Variants in CELF2 observed in about 807,000 individuals in gnomAD.
The protein encoded by CELF2 is CUG triplet repeat RNA-binding protein 2.
A neutral mutation model predicts 62.6 loss-of-function variants in CELF2; 8 were observed. The ratio of observed to expected loss-of-function variants is 0.13; its 90% confidence interval spans 0.07 to 0.23. CELF2 has a LOEUF of 0.23. CELF2 is among the 10% of genes least tolerant of loss of function. The pLI is 1.00. For missense variants in CELF2, 333 were observed against 671.0 expected (o/e 0.50, Z 5.56); for synonymous variants, 258 against 250.0 (o/e 1.03, Z -0.30).
chr10:10,505,287 A>T, the CELF2 span, among the ~76,000 whole-genome samples: 1 of 151,990 alleles, frequency 6.6e-6, no homozygotes, highest in Non-Finnish European at 1.5e-5. Flanking sequence ...AACCTTCTTT[A>T]ACACATAAGT....
At chr10:11,006,984 T>C (rs1362043804) in intron 1 of CELF2, among the ~76,000 whole-genome samples, 1 of 152,214 alleles carries the variant, frequency 6.6e-6, no homozygotes, top group Non-Finnish European at 1.5e-5. Flanking sequence ...TATTGCCACA[T>C]AAGAAATAAA....
At chr10:11,027,779 G>A (rs1176761792) in intron 1 of CELF2, among the ~76,000 whole-genome samples, 6 of 152,086 alleles carry the variant, frequency 3.9e-5, no homozygotes, top group Non-Finnish European at 7.3e-5. Context: ...CTTCTAATCT[G>A]TTCCATGCCT....
chr10:11,321,168 A>G lies in CELF2; in HGVS notation c.1097-21A>G, dbSNP rs375840343. The G allele has an allele frequency of 6.8e-6, 11 of 1,612,436 alleles. No homozygotes were observed. Among genetic ancestry groups the G allele is most frequent in the Non-Finnish European group, 8.5e-6 (10 of 1,178,782 alleles). ...TGAATAAGTGCTGTTTCTCTTCTCTATTGTTGGGTTTTTTGTAAAGTTGCT... is the reference window on the plus strand; with the variant it reads ...TGAATAAGTGCTGTTTCTCTTCTCTGTTGTTGGGTTTTTTGTAAAGTTGCT... On this transcript the variant is annotated intron_variant, in intron 10 of 12. Transcript: ENST00000633077. This position sits in a 1 kb window ranked among gnomAD's most constrained non-coding sequence, Gnocchi z 6.2.
At position 10,931,753 on chromosome 10, in the gene CELF2, G is replaced by A. The variant is rs564839542; in HGVS notation, c.89+11754G>A. Reference sequence around the variant, plus strand: ...AAATGAATCTCTTGATAATAGCAATGCATTAGTCTTTTCTCACGCTGCTAA... The same window carrying A: ...AAATGAATCTCTTGATAATAGCAATACATTAGTCTTTTCTCACGCTGCTAA... On this transcript the variant is annotated intron_variant, in intron 2 of 13. Transcript: ENST00000636488. The surrounding 1 kb of genome is among the most constrained non-coding windows in gnomAD (Gnocchi z 6.1). Among the ~76,000 whole-genome samples, 154 of 152,244 alleles carry A rather than the reference G, an allele frequency of 1.0e-3. No individual in the cohort carries two copies. The highest frequency in any genetic ancestry group is 1.7e-3 in the Non-Finnish European group (117 of 68,008).
In CELF2 at chr10:11,255,259, A is replaced by G. The variant is rs1341407244; in HGVS notation, c.404-2479A>G. On this transcript the variant is annotated intron_variant, in intron 4 of 12. Transcript: ENST00000633077. The surrounding 1 kb of genome is among the most constrained non-coding windows in gnomAD (Gnocchi z 5.5). ...CAGCAGTCTCCCTCCCAGGAATTGG[A>G]GCCCGGGGTGCCTGTTGCCCATGTC... Among the ~76,000 whole-genome samples, 1 of 152,180 alleles carries G rather than the reference A, an allele frequency of 6.6e-6. No homozygotes were observed. Among genetic ancestry groups the G allele is most frequent in the Non-Finnish European group, 1.5e-5 (1 of 68,040 alleles).
intron 2 of CELF2, among the ~76,000 whole-genome samples, chr10:10,943,773 T>G (rs553334887): frequency 0.15 from 7,497 of 50,062 alleles, 437 homozygotes; most frequent in Admixed American, 0.39. Context: ...TTTTTTTTTG[T>G]TTTGTTTTTG....
chr10:10,651,151 C>A, the CELF2 span, among the ~76,000 whole-genome samples: 1 of 126,858 alleles, frequency 7.9e-6, no homozygotes, highest in Admixed American at 7.7e-5. Context: ...CCGAATTTTG[C>A]GCTTTTCAGA....
chr10:10,840,999 T>C (rs969786466), intron 1 of CELF2, among the ~76,000 whole-genome samples: 5 of 152,214 alleles, frequency 3.3e-5, no homozygotes, highest in African/African-American at 9.7e-5. Context: ...GCTTCATCCA[T>C]GTCCCTGCAA....
At chr10:11,253,977 C>T (rs574256659) in intron 4 of CELF2, among the ~76,000 whole-genome samples, 2 of 152,152 alleles carry the variant, frequency 1.3e-5, no homozygotes, top group Admixed American at 1.3e-4. Flanking sequence ...ATACTGTGAA[C>T]ACAGTGCGTT....
chr10:11,123,981 C>T (rs1353415120), intron 1 of CELF2, among the ~76,000 whole-genome samples: 1 of 152,126 alleles, frequency 6.6e-6, no homozygotes, highest in Non-Finnish European at 1.5e-5. Flanking sequence ...GGGGAGGCCT[C>T]ACAATCAAGG....
Position 11,309,030 on chromosome 10 carries a change from A to C in CELF2, c.977-5109A>C, listed in dbSNP as rs2094427597. 6.6e-6 allele frequency among the ~76,000 whole-genome samples: 1 copy of C among 152,208 alleles called. No homozygotes were observed. The highest frequency in any genetic ancestry group is 2.1e-4 in the South Asian group (1 of 4,830). On this transcript the variant is annotated intron_variant, in intron 9 of 12. Coordinates refer to ENST00000633077, the MANE Select transcript of CELF2 (RefSeq NM_001326342.2). The surrounding 1 kb of genome is among the most constrained non-coding windows in gnomAD (Gnocchi z 5.6). The stretch of plus-strand genomic sequence containing the variant: ...TTATTTGATGAAACATTGTAATTAC[A>C]CTTATAATCCTTTAGGCATGATTTT...
chr10:10,976,998 T>TACA (rs201799065), intron 2 of CELF2, among the ~76,000 whole-genome samples: 2,206 of 152,276 alleles, frequency 0.014, 52 homozygotes, highest in African/African-American at 0.051. Flanking sequence ...TATATGACTG[T>TACA]GTCCCAGAAA....
the CELF2 span, among the ~76,000 whole-genome samples, chr10:10,760,391 TG>T: frequency 6.6e-6 from 1 of 152,238 alleles, no homozygotes; most frequent in Non-Finnish European, 1.5e-5. Flanking sequence ...ACTGTGCTAC[TG>T]TGACTTGGTT....
intron 1 of CELF2, among the ~76,000 whole-genome samples, chr10:11,161,374 G>T (rs2065685680): frequency 6.6e-6 from 1 of 152,320 alleles, no homozygotes; most frequent in South Asian, 2.1e-4. Flanking sequence ...GCAGAGATGT[G>T]TGCGCATGTG....
intron 1 of CELF2, among the ~76,000 whole-genome samples, chr10:11,128,336 C>T (rs1009949163): frequency 6.6e-6 from 1 of 152,092 alleles, no homozygotes; most frequent in Non-Finnish European, 1.5e-5. Context: ...CTTTGTTCTT[C>T]TGGCTTAGGA....
At chr10:10,930,206 C>T (rs1266751871) in intron 2 of CELF2, among the ~76,000 whole-genome samples, 6 of 152,168 alleles carry the variant, frequency 3.9e-5, no homozygotes, top group Non-Finnish European at 7.3e-5. Context: ...CCTATTTAGA[C>T]TTCTCAGATT....
chr10:11,050,580 G>T (rs931792253), intron 1 of CELF2, among the ~76,000 whole-genome samples: 4 of 152,188 alleles, frequency 2.6e-5, no homozygotes, highest in Admixed American at 2.0e-4. Flanking sequence ...CACTTTCTGT[G>T]CATTCTTACT....
At chr10:11,190,087 T>A (rs1388304056) in intron 2 of CELF2, among the ~76,000 whole-genome samples, 1 of 152,262 alleles carries the variant, frequency 6.6e-6, no homozygotes, top group Non-Finnish European at 1.5e-5. Context: ...TAAAGATTTA[T>A]GTGCACCTCT....
chr10:10,661,764 A>T, the CELF2 span, among the ~76,000 whole-genome samples: 3 of 152,196 alleles, frequency 2.0e-5, no homozygotes, highest in Admixed American at 2.0e-4. Flanking sequence ...GAGTGAATTG[A>T]GGGAGTGCCC....
Sources: gnomAD v4.1 joint callset for allele counts (sites outside exome capture counted in the v4.1 genomes callset) on GRCh38, gnomAD v4.1.1 for gene constraint, Gnocchi (gnomAD v3.1) non-coding constraint, MANE v1.5 for transcripts, NCBI Gene and HGNC (gene_info 2026-07-23, HGNC 2026-07-21) for gene names.